LYPD6B: variants seen among roughly 807,000 people sequenced by gnomAD.
The protein encoded by LYPD6B is LY6/PLAUR domain containing 6B, also known as ly6/PLAUR domain-containing protein 6B.
LYPD6B carries 17 observed loss-of-function variants against 22.8 expected under a neutral mutation model. That is an observed-to-expected ratio of 0.75 (90% CI 0.51 to 1.12). The LOEUF (loss-of-function observed/expected upper bound fraction) is 1.12, where lower values mean the gene tolerates loss of function less well. Among genes scored for constraint, LYPD6B ranks in the 50% most tolerant of loss-of-function variants. The probability of loss-of-function intolerance (pLI) is 0.00; values close to 1 mark genes in which losing one functional copy is unlikely to be tolerated. For missense variants in LYPD6B, 221 were observed against 258.3 expected, an observed-to-expected ratio of 0.86 and a Z score of 0.99; for synonymous variants, 106 against 91.6, an observed-to-expected ratio of 1.16 and a Z score of -0.90.
chr2:149,066,473 AG>A (rs1684339102), intron 1 of LYPD6B, among the ~76,000 whole-genome samples: 2 of 151,952 alleles, frequency 1.3e-5, no homozygotes, highest in African/African-American at 4.8e-5. Flanking sequence ...GATGGTTTCC[AG>A]CTTCATCCAT....
chr2:149,194,248 C>CACTTCAT (rs1052599134), intron 3 of LYPD6B, among the ~76,000 whole-genome samples: 1 of 152,140 alleles, frequency 6.6e-6, no homozygotes, highest in Non-Finnish European at 1.5e-5. Flanking sequence ...ATTGCCCTTA[C>CACTTCAT]ACTTCATAGT....
chr2:149,194,683 A>G (rs1232702673), intron 3 of LYPD6B, among the ~76,000 whole-genome samples: 2 of 152,184 alleles, frequency 1.3e-5, no homozygotes, highest in South Asian at 2.1e-4. Context: ...CTGTCTTTCC[A>G]TCTGCCAGTC....
chr2:149,158,347 T>C (rs1364554909), intron 2 of LYPD6B, among the ~76,000 whole-genome samples: 1 of 152,196 alleles, frequency 6.6e-6, no homozygotes. Flanking sequence ...TAAAAAGGAA[T>C]GATATTCTGA....
At chr2:149,206,006 CCTTT>C (rs1343650588) in intron 4 of LYPD6B, 1 of 468,498 alleles carries the variant, frequency 2.1e-6, no homozygotes, top group Admixed American at 2.4e-5. Flanking sequence ...CATTAACCCT[CCTTT>C]CTTTTCAGAC....
Position 149,090,944 on chromosome 2 carries a change from G to A in LYPD6B, c.-66-39939G>A, listed in dbSNP as rs536849389. ...ACACTTTTCCCATGAGTTTTGTGTG[G>A]TTACTTTTTTTTGAATTTGTTCTGG... is the stretch of plus-strand genomic sequence containing the variant. On this transcript the variant is annotated intron_variant, in intron 1 of 6. Coordinates refer to ENST00000409642, the MANE Select transcript of LYPD6B (RefSeq NM_177964.5). 7.2e-5 allele frequency among the ~76,000 whole-genome samples: 11 copies of A among 152,190 alleles called. No homozygotes were observed. The South Asian group carries it at 2.3e-3, about 32-fold the overall frequency.
chr2:149,114,618 T>A (rs1559005566), intron 1 of LYPD6B, among the ~76,000 whole-genome samples: 1 of 152,292 alleles, frequency 6.6e-6, no homozygotes, highest in East Asian at 1.9e-4. Context: ...TAATCTTTAG[T>A]GATAGATGCA....
At chr2:149,161,700 G>A (rs919174691) in intron 3 of LYPD6B, among the ~76,000 whole-genome samples, 1 of 152,154 alleles carries the variant, frequency 6.6e-6, no homozygotes, top group African/African-American at 2.4e-5. Flanking sequence ...TCTGATGGCT[G>A]GAAGAGAGGG....
chr2:149,110,200 C>G (rs1180780203), intron 1 of LYPD6B, among the ~76,000 whole-genome samples: 1 of 151,958 alleles, frequency 6.6e-6, no homozygotes, highest in Non-Finnish European at 1.5e-5. Context: ...TGGGGCTGTA[C>G]TTTTTCATAT....
At chr2:149,205,055 G>T (rs1005055265) in intron 3 of LYPD6B, 198 bp from the exon 4 acceptor site, 2 of 564,860 alleles carry the variant, frequency 3.5e-6, no homozygotes, top group South Asian at 2.4e-5. Flanking sequence ...CTAGTGCAGA[G>T]GCCTGACCAG....
chr2:149,194,328 G>T (rs1692670823), intron 3 of LYPD6B, among the ~76,000 whole-genome samples: 1 of 152,072 alleles, frequency 6.6e-6, no homozygotes. Context: ...ATAATGCTTT[G>T]GTCCAGAGTG....
intron 1 of LYPD6B, among the ~76,000 whole-genome samples, chr2:149,114,708 A>T (rs998953055): frequency 3.5e-4 from 54 of 152,196 alleles, no homozygotes; most frequent in African/African-American, 1.3e-3. Flanking sequence ...TTTTAACGTC[A>T]ACCAGTCATT....
intron 2 of LYPD6B, among the ~76,000 whole-genome samples, chr2:149,148,478 G>A (rs940928375): frequency 6.6e-6 from 1 of 152,274 alleles, no homozygotes; most frequent in Non-Finnish European, 1.5e-5. Context: ...CTGTTTCAAG[G>A]CTCTTAACCT....
chr2:149,137,625 C>T (rs1246619685), intron 2 of LYPD6B, among the ~76,000 whole-genome samples: 1 of 152,150 alleles, frequency 6.6e-6, no homozygotes, highest in African/African-American at 2.4e-5. Flanking sequence ...TTTGTGCATA[C>T]AAGAGTGAAA....
chr2:149,080,667 C>T (rs1685079784), intron 1 of LYPD6B, among the ~76,000 whole-genome samples: 1 of 151,794 alleles, frequency 6.6e-6, no homozygotes, highest in Admixed American at 6.6e-5. Context: ...CATGGTGAAA[C>T]CCCGACTCTA....
intron 1 of LYPD6B, among the ~76,000 whole-genome samples, chr2:149,104,921 T>A (rs1403698932): frequency 6.6e-6 from 1 of 152,196 alleles, no homozygotes; most frequent in Non-Finnish European, 1.5e-5. Flanking sequence ...TTAAAATTTA[T>A]AATTGACACA....
chr2:149,054,105 C>T (rs1035080308), intron 1 of LYPD6B, among the ~76,000 whole-genome samples: 4 of 152,316 alleles, frequency 2.6e-5, no homozygotes, highest in Middle Eastern at 6.8e-3. Context: ...AGTTCTCTTG[C>T]ATATACAATT....
intron 3 of LYPD6B, among the ~76,000 whole-genome samples, chr2:149,182,703 C>T (rs1445087714): frequency 6.6e-6 from 1 of 152,174 alleles, no homozygotes; most frequent in Non-Finnish European, 1.5e-5. Flanking sequence ...AGAAAGTCCC[C>T]TTCAGTAGGA....
chr2:149,042,919 T>A (rs1683151452), intron 1 of LYPD6B, among the ~76,000 whole-genome samples: 1 of 152,232 alleles, frequency 6.6e-6, no homozygotes, highest in South Asian at 2.1e-4. Context: ...ATAGGATTTC[T>A]TTCATGCAGA....
At chr2:149,111,765 T>C (rs997662000) in intron 1 of LYPD6B, among the ~76,000 whole-genome samples, 8 of 151,848 alleles carry the variant, frequency 5.3e-5, no homozygotes, top group African/African-American at 1.9e-4. Flanking sequence ...TAAGTATAGA[T>C]AGAGAATGAG....
Sources: allele counts gnomAD v4.1 joint callset (sites outside exome capture counted in the v4.1 genomes callset), GRCh38; gene constraint gnomAD v4.1.1; transcripts MANE v1.5; gene names NCBI Gene and HGNC (gene_info 2026-07-23, HGNC 2026-07-21).